Variants in ANTXRL observed in about 807,000 individuals in gnomAD.
The protein encoded by ANTXRL is anthrax toxin receptor-like.
Under a neutral mutation model 75.4 loss-of-function variants are expected in ANTXRL, and 63 were observed. The ratio of observed to expected loss-of-function variants is 0.84; its 90% CI spans 0.68 to 1.03. ANTXRL has a LOEUF of 1.03. Ranked by LOEUF, ANTXRL falls within the 50% of genes least tolerant of loss-of-function variation. The probability of loss-of-function intolerance (pLI) is 0.00; values close to 1 mark genes in which losing one functional copy is unlikely to be tolerated. For missense variants in ANTXRL, 797 were observed against 789.4 expected, an observed-to-expected ratio of 1.01 and a Z score of -0.12; for synonymous variants, 335 against 291.3, an observed-to-expected ratio of 1.15 and a Z score of -1.53.
intron 16 of ANTXRL, among the ~76,000 whole-genome samples, chr10:46,317,384 C>G (rs1445497921): frequency 6.6e-6 from 1 of 152,176 alleles, no homozygotes; most frequent in African/African-American, 2.4e-5. Flanking sequence ...CTGTCACTTG[C>G]AGACCTCCTT....
Position 46,307,466 on chromosome 10 carries a change from A to G in ANTXRL, c.1030A>G (p.Thr344Ala). The change falls in exon 12 of 17, where the codon ACC (threonine) becomes GCC (alanine). Residue 344 changes from threonine to alanine, a missense_variant. By Grantham distance (58) the Thr-to-Ala change is moderately conservative. Coordinates refer to ENST00000620264, the MANE Select transcript of ANTXRL (RefSeq NM_001278688.3). ...KTFFKSNVSITSTTCGIFRNW... is the reference protein window; with the variant it reads ...KTFFKSNVSIASTTCGIFRNW... ...ATTCTTCAAGAGCAATGTCAGCATC[A>G]CCAGCACCACATGTGTGAGTACCAG... 6.5e-7 allele frequency: 1 copy of G among 1,536,230 alleles called. No individual in the cohort carries two copies. Among genetic ancestry groups the G allele is most frequent in the Middle Eastern group, 1.7e-4 (1 of 5,982 alleles).
At chr10:46,307,723 A>T (rs1838178043) in intron 12 of ANTXRL, among the ~76,000 whole-genome samples, 1 of 152,074 alleles carries the variant, frequency 6.6e-6, no homozygotes. Flanking sequence ...GCCCTGGAGG[A>T]TTCCACACAC....
At chr10:46,320,328 C>T (rs1838921605) in intron 16 of ANTXRL, among the ~76,000 whole-genome samples, 1 of 152,184 alleles carries the variant, frequency 6.6e-6, no homozygotes, top group South Asian at 2.1e-4. Context: ...AGACAGACCT[C>T]CCAGGAGTTC....
chr10:46,292,194 G>A, intron 2 of ANTXRL, 65 bp downstream of exon 2: 4 of 1,465,792 alleles, frequency 2.7e-6, no homozygotes, highest in Non-Finnish European at 1.8e-6. Flanking sequence ...AAGGCAGGCA[G>A]AGGGCACATC....
At position 46,297,923 on chromosome 10, in the gene ANTXRL, G is replaced by A. The variant is rs1554959426; in HGVS notation, c.735+12G>A. ...GCACCATTGATGCCGTGAGTGGGCA[G>A]AGGTGAGGGGCTGGGGACCTGGATC... is the stretch of plus-strand genomic sequence containing the variant. On this transcript the variant is annotated intron_variant, in intron 8 of 16. Coordinates refer to ENST00000620264, the MANE Select transcript of ANTXRL (RefSeq NM_001278688.3). The A allele has an allele frequency of 5.9e-6, 9 of 1,535,892 alleles. No individual in the cohort carries two copies. Among genetic ancestry groups the A allele is most frequent in the Non-Finnish European group, 7.8e-6 (9 of 1,146,734 alleles).
intron 16 of ANTXRL, among the ~76,000 whole-genome samples, chr10:46,322,948 A>G (rs1839049529): frequency 2.0e-5 from 3 of 152,172 alleles, no homozygotes; most frequent in African/African-American, 4.8e-5. Context: ...ATGAGCTTCA[A>G]TCTTAATAAT....
chr10:46,304,283 C>T (rs1446974448), intron 10 of ANTXRL, among the ~76,000 whole-genome samples: 3 of 152,136 alleles, frequency 2.0e-5, no homozygotes, highest in Non-Finnish European at 4.4e-5. Flanking sequence ...GAGTTTCTCT[C>T]TAAAAGAAAA....
intron 1 of ANTXRL, among the ~76,000 whole-genome samples, chr10:46,289,020 ACT>A (rs1196086758): frequency 2.0e-5 from 3 of 151,882 alleles, no homozygotes; most frequent in Non-Finnish European, 4.4e-5. Context: ...CTGAATTGAA[ACT>A]CTGGATTTTG....
chr10:46,317,590 C>T (rs1554964924), intron 16 of ANTXRL, among the ~76,000 whole-genome samples: 2 of 152,154 alleles, frequency 1.3e-5, no homozygotes, highest in Non-Finnish European at 2.9e-5. Context: ...GTCCAGGAAT[C>T]CCAGCTTGCA....
chr10:46,293,271 C>CAT (rs1554957109), intron 2 of ANTXRL, among the ~76,000 whole-genome samples: 4 of 132,790 alleles, frequency 3.0e-5, no homozygotes, highest in Admixed American at 7.4e-5. Flanking sequence ...TATACCTGTG[C>CAT]GTGTGTGAGA....
At chr10:46,320,666 A>G (rs1401824279) in intron 16 of ANTXRL, among the ~76,000 whole-genome samples, 1 of 152,144 alleles carries the variant, frequency 6.6e-6, no homozygotes. Context: ...CAGGAGGCAG[A>G]GGTTGCAGTG....
At chr10:46,306,921 G>C in intron 11 of ANTXRL, 49 bp downstream of exon 11, 5 of 1,457,586 alleles carry the variant, frequency 3.4e-6, no homozygotes, top group Non-Finnish European at 4.6e-6. Context: ...AGGGAGTCAG[G>C]GTTGGGCACC....
chr10:46,304,839 C>A (rs74129852), intron 10 of ANTXRL, among the ~76,000 whole-genome samples: 6 of 152,052 alleles, frequency 3.9e-5, no homozygotes, highest in Non-Finnish European at 8.8e-5. Context: ...AAAGGGGGTA[C>A]CCAGCCTACC....
intron 7 of ANTXRL, 143 bp downstream of exon 7, chr10:46,297,617 C>T (rs1837460891): frequency 3.3e-6 from 3 of 918,434 alleles, no homozygotes; most frequent in Non-Finnish European, 4.9e-6. Context: ...AAGTGATTGA[C>T]AGCATGTTGT....
intron 13 of ANTXRL, among the ~76,000 whole-genome samples, chr10:46,309,721 T>TC (rs1838312101): frequency 6.6e-6 from 1 of 152,064 alleles, no homozygotes; most frequent in African/African-American, 2.4e-5. Flanking sequence ...TTTACTGAGC[T>TC]CCAGCTTCCC....
At chr10:46,305,601 G>C (rs1554961674) in intron 10 of ANTXRL, among the ~76,000 whole-genome samples, 1 of 152,104 alleles carries the variant, frequency 6.6e-6, no homozygotes, top group Non-Finnish European at 1.5e-5. Context: ...TGGGTAGAGA[G>C]CTGGAGCCAG....
At chr10:46,287,655 C>G (rs1203452954) in intron 1 of ANTXRL, 145 bp downstream of exon 1, 2 of 1,117,908 alleles carry the variant, frequency 1.8e-6, no homozygotes, top group Non-Finnish European at 2.4e-6. Context: ...CCTAGGCCTC[C>G]TGTTTTTCTG....
chr10:46,309,141 T>C lies in ANTXRL; in HGVS notation c.1073T>C (p.Val358Ala), dbSNP rs2132798930. ...CGIFRNWLYF[V>A]PLLLLVPLLL... ...ATTTTCCGCAACTGGCTCTATTTTG[T>C]GCCACTCCTGCTGCTTGTGCCACTG... Residue 358 changes from valine to alanine, a missense_variant, in exon 13 of 17, where the codon GTG becomes GCG. This residue lies in a region of ANTXRL where 479 missense variants were observed against 422.0 expected (regional missense o/e 1.14). Transcript: ENST00000620264. 4 of 1,535,710 alleles carry C rather than the reference T, an allele frequency of 2.6e-6. No individual in the cohort carries two copies. Among genetic ancestry groups the C allele is most frequent in the Middle Eastern group, 1.7e-4 (1 of 5,982 alleles).
chr10:46,316,854 C>T (rs1554964786), intron 16 of ANTXRL, among the ~76,000 whole-genome samples: 2 of 152,096 alleles, frequency 1.3e-5, no homozygotes, highest in African/African-American at 4.8e-5. Flanking sequence ...GCTATGGCTG[C>T]AGGGAATTTT....
Sources: gnomAD v4.1 joint callset for allele counts (sites outside exome capture counted in the v4.1 genomes callset) on GRCh38, gnomAD v4.1.1 for gene constraint, gnomAD v4.1.1 regional missense constraint, MANE v1.5 for transcripts, NCBI Gene and HGNC (gene_info 2026-07-23, HGNC 2026-07-21) for gene names.